The following PACSIN2 variants were observed in gnomAD, a reference collection of about 807,000 sequenced individuals.
The protein encoded by PACSIN2 is protein kinase C and casein kinase substrate in neurons protein 2.
Under a neutral mutation model 63.8 loss-of-function variants are expected in PACSIN2, and 25 were observed. The observed-to-expected ratio is 0.39, with a 90% CI of 0.29 to 0.55. The LOEUF (loss-of-function observed/expected upper bound fraction) is 0.55. PACSIN2 is among the 20% of genes least tolerant of loss of function. The pLI is 0.62. For missense variants in PACSIN2, 518 were observed against 646.9 expected, an observed-to-expected ratio of 0.80 and a Z score of 2.16; for synonymous variants, 255 against 256.2, an observed-to-expected ratio of 1.00 and a Z score of 0.05.
chr22:42,943,599 T>C (rs972576927), intron 1 of PACSIN2, among the ~76,000 whole-genome samples: 18 of 152,090 alleles, frequency 1.2e-4, no homozygotes, highest in African/African-American at 4.1e-4. Flanking sequence ...AGGTGTTGCT[T>C]GGGGTTGGGT....
chr22:42,888,322 A>T (rs1387794384), intron 5 of PACSIN2, among the ~76,000 whole-genome samples: 1 of 151,970 alleles, frequency 6.6e-6, no homozygotes, highest in Non-Finnish European at 1.5e-5. Flanking sequence ...CACACCCACC[A>T]CTGGCGACGC....
At chr22:42,953,295 G>C (rs897705816) in intron 1 of PACSIN2, among the ~76,000 whole-genome samples, 1 of 151,194 alleles carries the variant, frequency 6.6e-6, no homozygotes, top group African/African-American at 2.4e-5. Flanking sequence ...TCTAAACTAA[G>C]AGTGAAAAAA....
At chr22:43,011,954 G>C (rs558697334) in intron 1 of PACSIN2, among the ~76,000 whole-genome samples, 3 of 151,556 alleles carry the variant, frequency 2.0e-5, no homozygotes, top group Non-Finnish European at 4.4e-5. Context: ...AGACCATACT[G>C]GCCAACACGG....
intron 1 of PACSIN2, among the ~76,000 whole-genome samples, chr22:42,989,905 T>A (rs1008165334): frequency 6.7e-6 from 1 of 149,082 alleles, no homozygotes; most frequent in South Asian, 2.1e-4. Context: ...CACACATATA[T>A]GTATATATAT....
chr22:42,881,077 A>G (rs1309278912), intron 7 of PACSIN2, among the ~76,000 whole-genome samples: 2 of 152,094 alleles, frequency 1.3e-5, no homozygotes, highest in Non-Finnish European at 1.5e-5. Context: ...CAGCTGCTCT[A>G]CTGCCTCCTA....
intron 1 of PACSIN2, among the ~76,000 whole-genome samples, chr22:42,980,456 A>T (rs1030559516): frequency 6.7e-6 from 1 of 149,236 alleles, no homozygotes; most frequent in African/African-American, 2.5e-5. Context: ...TCCCTCAAAA[A>T]AACAAACAAC....
At chr22:42,902,430 G>T (rs149849770) in intron 2 of PACSIN2, among the ~76,000 whole-genome samples, 13 of 152,220 alleles carry the variant, frequency 8.5e-5, no homozygotes, top group African/African-American at 2.2e-4. Context: ...CAACTACTAT[G>T]CCTCTATATG....
chr22:42,880,365 A>G (rs1928978477), intron 7 of PACSIN2, among the ~76,000 whole-genome samples: 1 of 152,228 alleles, frequency 6.6e-6, no homozygotes, highest in Admixed American at 6.5e-5. Flanking sequence ...TGAGAACTCA[A>G]TTGGAACCTC....
chr22:42,965,483 C>T (rs148084271), intron 1 of PACSIN2, among the ~76,000 whole-genome samples: 2 of 152,246 alleles, frequency 1.3e-5, no homozygotes, highest in Non-Finnish European at 2.9e-5. Context: ...GGAAGAAAAG[C>T]CCCCAGCAGA....
chr22:42,988,452 T>C (rs1051775586), intron 1 of PACSIN2, among the ~76,000 whole-genome samples: 1 of 152,186 alleles, frequency 6.6e-6, no homozygotes, highest in African/African-American at 2.4e-5. Context: ...TAATCCTGCG[T>C]CCTAGTAATT....
intron 2 of PACSIN2, among the ~76,000 whole-genome samples, chr22:42,897,476 T>C (rs751821756): frequency 1.3e-5 from 2 of 152,242 alleles, no homozygotes; most frequent in Non-Finnish European, 2.9e-5. Flanking sequence ...AGAAACTGAA[T>C]ATAAGCATGC....
Position 42,871,243 on chromosome 22 carries a change from G to C in PACSIN2, c.*114C>G. Reference sequence around the variant, plus strand: ...ATCTGCCTTCCAGGAACACCATGAAGCCAAGAGCAATGGAACCATCATCTC... The same window carrying C: ...ATCTGCCTTCCAGGAACACCATGAACCCAAGAGCAATGGAACCATCATCTC... On this transcript the variant is annotated 3_prime_UTR_variant, in exon 11 of 11. Transcript: ENST00000263246. The surrounding 1 kb of genome is among the most constrained non-coding windows in gnomAD (Gnocchi z 5.4). The C allele has an allele frequency of 1.4e-6, 1 of 704,682 alleles. No homozygotes were observed. Among genetic ancestry groups the C allele is most frequent in the Non-Finnish European group, 2.6e-6 (1 of 390,710 alleles). The allele number at this position is 704,682 out of a possible 1,614,324, so 43.7% of individuals were successfully genotyped here.
chr22:42,903,282 G>A (rs1004924454), intron 2 of PACSIN2, among the ~76,000 whole-genome samples: 2 of 152,224 alleles, frequency 1.3e-5, no homozygotes, highest in Admixed American at 6.5e-5. Context: ...CCTGGCAGAT[G>A]TTGTATCCTG....
intron 7 of PACSIN2, chr22:42,880,646 A>G (rs1300288869): frequency 3.3e-5 from 5 of 152,198 alleles, no homozygotes; most frequent in African/African-American, 1.2e-4. Flanking sequence ...AAATAAAAAC[A>G]AAGAATTGCA....
intron 1 of PACSIN2, among the ~76,000 whole-genome samples, chr22:42,960,734 C>T (rs1397326268): frequency 6.6e-6 from 1 of 152,116 alleles, no homozygotes; most frequent in African/African-American, 2.4e-5. Context: ...GAAGGGGTGC[C>T]AGGAGGGTTT....
At chr22:42,951,373 T>C (rs1020789997) in intron 1 of PACSIN2, among the ~76,000 whole-genome samples, 1 of 152,144 alleles carries the variant, frequency 6.6e-6, no homozygotes, top group African/African-American at 2.4e-5. Flanking sequence ...CTCTTCTCTG[T>C]GCACACTAGT....
chr22:42,884,525 C>G lies in PACSIN2; in HGVS notation c.646G>C (p.Asp216His). ...EKYEKSLKEL[D>H]QGTPQYMENM... ...TCCATGTACTGGGGTGTGCCCTGGTCGAGTTCCTTCAGGGACTTCTCATAC... is the reference window on the plus strand; with the variant it reads ...TCCATGTACTGGGGTGTGCCCTGGTGGAGTTCCTTCAGGGACTTCTCATAC... Residue 216 changes from aspartate (D) to histidine (H), a missense_variant, in exon 6 of 11, where the codon GAC becomes CAC. Transcript: ENST00000263246. 6.2e-7 allele frequency: 1 copy of G among 1,614,036 alleles called. No individual in the cohort carries two copies. Among genetic ancestry groups the G allele is most frequent in the Non-Finnish European group, 8.5e-7 (1 of 1,179,966 alleles).
rs1372355981 is a variant in PACSIN2 at position 42,891,142 on chromosome 22, G to C, written c.258C>G (p.Phe86Leu). The C allele has an allele frequency of 1.2e-6, 2 of 1,614,070 alleles. No homozygotes were observed. The highest frequency in any genetic ancestry group is 2.2e-5 in the East Asian group (1 of 44,878). Residue 86 changes from phenylalanine to leucine, a missense_variant, in exon 4 of 11, where the codon TTC (phenylalanine) becomes TTG (leucine). Phe to Leu is a conservative substitution (Grantham distance 22, BLOSUM62 0). Coordinates refer to ENST00000263246, the MANE Select transcript of PACSIN2 (RefSeq NM_001184970.3). ...YGTVEKAWMA[F>L]MSEAERVSEL... is the part of the protein sequence containing the mutation. ...CGCTCACCCTCTCTGCCTCGGACATGAAGGCCATCCAGGCCTTCTCCACGG... is the reference window on the plus strand; with the variant it reads ...CGCTCACCCTCTCTGCCTCGGACATCAAGGCCATCCAGGCCTTCTCCACGG...
At position 42,876,124 on chromosome 22, in the gene PACSIN2, G is replaced by A; in HGVS notation, c.1348+13C>T. ...AAGCCCTCCTCCCCTGGATGCTGGGGGAGCCCACCTACCAGCCTTGAAGCT... is the reference window on the plus strand; with the variant it reads ...AAGCCCTCCTCCCCTGGATGCTGGGAGAGCCCACCTACCAGCCTTGAAGCT... On this transcript the variant is annotated intron_variant, in intron 10 of 10. Coordinates refer to ENST00000263246, the MANE Select transcript of PACSIN2 (RefSeq NM_001184970.3). 1 of 1,600,286 alleles carries A rather than the reference G, an allele frequency of 6.2e-7. No homozygotes were observed. Among genetic ancestry groups the A allele is most frequent in the Non-Finnish European group, 8.6e-7 (1 of 1,168,464 alleles).
Sources: allele counts gnomAD v4.1 joint callset (sites outside exome capture counted in the v4.1 genomes callset), GRCh38; gene constraint gnomAD v4.1.1; non-coding constraint Gnocchi (gnomAD v3.1); transcripts MANE v1.5; gene names NCBI Gene and HGNC (gene_info 2026-07-23, HGNC 2026-07-21).